The following HRH2 variants were observed in gnomAD, a reference collection of about 807,000 sequenced individuals.
HRH2 encodes histamine H2 receptor.
Under a neutral mutation model 20.1 loss-of-function variants are expected in HRH2, and 4 were observed. The observed-to-expected ratio is 0.20, with a 90% CI of 0.10 to 0.45. HRH2 has a LOEUF of 0.45. Ranked by LOEUF, HRH2 falls within the 20% of genes least tolerant of loss-of-function variation. The pLI, the probability that HRH2 is intolerant of heterozygous loss-of-function variation, is 0.99. For synonymous variants in HRH2, 197 were observed against 200.7 expected (o/e 0.98, Z 0.16); for missense variants, 250 against 461.6 (o/e 0.54, Z 4.20).
At chr5:175,679,751 A>G (rs2113510586) in intron 1 of HRH2, among the ~76,000 whole-genome samples, 1 of 152,278 alleles carries the variant, frequency 6.6e-6, no homozygotes, top group South Asian at 2.1e-4. Flanking sequence ...GGAAGGAGGG[A>G]GAAGGTGTGC....
chr5:175,659,449 T>A, intron 1 of HRH2, among the ~76,000 whole-genome samples: 1 of 152,026 alleles, frequency 6.6e-6, no homozygotes, highest in East Asian at 1.9e-4. Flanking sequence ...CATGAGAAAA[T>A]AACTTATCTC....
intron 1 of HRH2, among the ~76,000 whole-genome samples, chr5:175,673,780 T>G (rs1005128037): frequency 4.0e-5 from 6 of 150,276 alleles, no homozygotes; most frequent in Non-Finnish European, 7.4e-5. Context: ...CTCCGCTCAA[T>G]GCAACCTCCG....
At position 175,686,840 on chromosome 5, in the gene HRH2, G is replaced by T. The variant is rs1756189712; in HGVS notation, c.1076+2531G>T. On this transcript the variant is annotated intron_variant, in intron 2 of 2. Transcript: ENST00000636584. The surrounding 1 kb of genome is among the most constrained non-coding windows in gnomAD (Gnocchi z 4.7). ...CAGAAGTCAAGTAAACTGCCCCAAG[G>T]GATACAACCCAAAGTTGCGATCTGA... Among the ~76,000 whole-genome samples, 1 of 152,190 alleles carries T rather than the reference G, an allele frequency of 6.6e-6. No individual in the cohort carries two copies.
rs148095508 is a variant in HRH2 at position 175,698,556 on chromosome 5, T to C, written c.1077-9223T>C. ...CCCCAGAACACGAGCACTTAGTAAA[T>C]GCTACTTCTTGCCAGTCGCTTATTC... On this transcript the variant is annotated intron_variant, in intron 2 of 2. Transcript: ENST00000636584. 1.2e-4 allele frequency among the ~76,000 whole-genome samples: 18 copies of C among 152,280 alleles called. 1 individual carries two copies. The East Asian group carries it at 3.3e-3, about 28-fold the overall frequency.
At chr5:175,695,931 G>A (rs1756561703) in intron 2 of HRH2, among the ~76,000 whole-genome samples, 1 of 152,242 alleles carries the variant, frequency 6.6e-6, no homozygotes, top group Non-Finnish European at 1.5e-5. Flanking sequence ...AAACTGGCAC[G>A]GCGATTCAGG....
intron 1 of HRH2, among the ~76,000 whole-genome samples, chr5:175,682,348 T>TA (rs1196696519): frequency 1.3e-5 from 2 of 152,242 alleles, no homozygotes. Flanking sequence ...GTCAGATGCT[T>TA]ACTGTCTATC....
chr5:175,699,222 T>G (rs28495643), intron 2 of HRH2, among the ~76,000 whole-genome samples: 1 of 152,196 alleles, frequency 6.6e-6, no homozygotes, highest in Non-Finnish European at 1.5e-5. Flanking sequence ...AAAAGAACAC[T>G]GTGATTGGTC....
chr5:175,701,838 C>T (rs1446158328), intron 2 of HRH2, among the ~76,000 whole-genome samples: 1 of 152,142 alleles, frequency 6.6e-6, no homozygotes, highest in Admixed American at 6.5e-5. Context: ...ACTTACTGCT[C>T]GGCAGATATC....
chr5:175,699,424 G>A (rs1756720942), intron 2 of HRH2, among the ~76,000 whole-genome samples: 1 of 152,142 alleles, frequency 6.6e-6, no homozygotes, highest in Admixed American at 6.5e-5. Flanking sequence ...AACCTCCTCC[G>A]CTTCCATTTC....
chr5:175,662,886 G>T lies in HRH2; in HGVS notation c.-526+4731G>T, dbSNP rs550890121. Among the ~76,000 whole-genome samples the T allele has an allele frequency of 1.2e-3, 182 of 152,178 alleles. 1 individual carries two copies. Among genetic ancestry groups the T allele is most frequent in the Non-Finnish European group, 1.8e-3 (125 of 68,024 alleles). On this transcript the variant is annotated intron_variant, in intron 1 of 2. Transcript: ENST00000636584. ...ACAGGTCTACTTTCCCTCGCTATAG[G>T]TTTGCCTATTCTGGACATTTCACAA... is the stretch of plus-strand genomic sequence containing the variant.
rs1170796598 is a variant in HRH2 at position 175,693,151 on chromosome 5, T to C, written c.1076+8842T>C. Among the ~76,000 whole-genome samples the C allele has an allele frequency of 1.3e-5, 2 of 152,242 alleles. No homozygotes were observed. The highest frequency in any genetic ancestry group is 2.9e-5 in the Non-Finnish European group (2 of 68,030). On this transcript the variant is annotated intron_variant, in intron 2 of 2. Coordinates refer to ENST00000636584, the MANE Select transcript of HRH2 (RefSeq NM_001367711.1). This position sits in a 1 kb window ranked among gnomAD's most constrained non-coding sequence, Gnocchi z 4.4. ...AAAGAGAGCTAAGAATTCTGGCAGT[T>C]GTCCCTGTCCCTGAAGCAGCAGTGG...
At chr5:175,660,355 G>C (rs933879547) in intron 1 of HRH2, among the ~76,000 whole-genome samples, 49 of 152,218 alleles carry the variant, frequency 3.2e-4, no homozygotes, top group African/African-American at 1.2e-3. Context: ...GTCAGAAAGT[G>C]CCTAAATGTC....
chr5:175,681,785 T>C lies in HRH2; in HGVS notation c.-525-924T>C, dbSNP rs1411961721. On this transcript the variant is annotated intron_variant, in intron 1 of 2. Coordinates refer to ENST00000636584, the MANE Select transcript of HRH2 (RefSeq NM_001367711.1). The surrounding 1 kb of genome is among the most constrained non-coding windows in gnomAD (Gnocchi z 4.3). ...TCATGGTGAGCCTCCCCACAGACTG[T>C]TATGCAACCATTAGAAGGAATGAGT... Among the ~76,000 whole-genome samples, 3 of 152,146 alleles carry C rather than the reference T, an allele frequency of 2.0e-5. No homozygotes were observed. Among genetic ancestry groups the C allele is most frequent in the African/African-American group, 7.2e-5 (3 of 41,438 alleles).
intron 2 of HRH2, among the ~76,000 whole-genome samples, chr5:175,703,112 C>T (rs990151585): frequency 6.6e-6 from 1 of 152,104 alleles, no homozygotes; most frequent in Admixed American, 6.5e-5. Flanking sequence ...AAACACAAAG[C>T]GCTTAGGACA....
Position 175,694,020 on chromosome 5 carries a change from C to G in HRH2, c.1076+9711C>G, listed in dbSNP as rs537006589. Among the ~76,000 whole-genome samples the G allele has an allele frequency of 9.8e-5, 15 of 152,310 alleles. No homozygotes were observed. In the South Asian group the frequency reaches 2.9e-3, roughly 29 times the overall value. On this transcript the variant is annotated intron_variant, in intron 2 of 2. Transcript: ENST00000636584. ...GCTGACCTGGAGCGAGTGACTTCCTCTCTCTCAAACTCTTGTGTCTTCTTC... is the reference window on the plus strand; with the variant it reads ...GCTGACCTGGAGCGAGTGACTTCCTGTCTCTCAAACTCTTGTGTCTTCTTC...
rs1029876309 is a variant in HRH2, at chr5:175,687,414, G to A, written c.1076+3105G>A. On this transcript the variant is annotated intron_variant, in intron 2 of 2. Coordinates refer to ENST00000636584, the MANE Select transcript of HRH2 (RefSeq NM_001367711.1). This position sits in a 1 kb window ranked among gnomAD's most constrained non-coding sequence, Gnocchi z 5.2. ...CTGAGCCAAGAATTCCGAAGGGAACGGAGCCAGCCTGCCCTGGGTGGGGTG... is the reference window on the plus strand; with the variant it reads ...CTGAGCCAAGAATTCCGAAGGGAACAGAGCCAGCCTGCCCTGGGTGGGGTG... 1.1e-4 allele frequency among the ~76,000 whole-genome samples: 17 copies of A among 152,122 alleles called. No individual in the cohort carries two copies. The highest frequency in any genetic ancestry group is 3.4e-4 in the African/African-American group (14 of 41,432).
At chr5:175,684,808 G>A (rs74844888) in intron 2 of HRH2, among the ~76,000 whole-genome samples, 8 of 151,696 alleles carry the variant, frequency 5.3e-5, no homozygotes, top group Admixed American at 3.3e-4. Flanking sequence ...CTCTTACCGT[G>A]GGGGGGGTGT....
intron 1 of HRH2, among the ~76,000 whole-genome samples, chr5:175,668,722 G>A (rs920595613): frequency 6.6e-6 from 1 of 152,134 alleles, no homozygotes; most frequent in Non-Finnish European, 1.5e-5. Flanking sequence ...CAGCCATTCT[G>A]CAGGCTGTCC....
At chr5:175,673,760 G>A (rs1172382151) in intron 1 of HRH2, among the ~76,000 whole-genome samples, 1 of 149,108 alleles carries the variant, frequency 6.7e-6, no homozygotes, top group African/African-American at 2.5e-5. Context: ...CTGGAGTGCA[G>A]TGGCGCAATC....
Sources: allele counts gnomAD v4.1 joint callset (sites outside exome capture counted in the v4.1 genomes callset), GRCh38; gene constraint gnomAD v4.1.1; non-coding constraint Gnocchi (gnomAD v3.1); transcripts MANE v1.5; gene names NCBI Gene and HGNC (gene_info 2026-07-23, HGNC 2026-07-21).